The following LCLAT1 variants were observed in gnomAD, a reference collection of about 807,000 sequenced individuals.
The protein encoded by LCLAT1 is lysocardiolipin acyltransferase 1.
In LCLAT1, 11 loss-of-function variants were observed where a neutral mutation model predicts 30.7. That is an observed-to-expected ratio of 0.36 (90% CI 0.23 to 0.59). The LOEUF is 0.59. Among genes scored for constraint, LCLAT1 ranks in the 20% least tolerant of loss-of-function variants. The probability of loss-of-function intolerance (pLI) is 0.77; values close to 1 mark genes in which losing one functional copy is unlikely to be tolerated. For missense variants in LCLAT1, 402 were observed against 458.6 expected (o/e 0.88, Z 1.13); for synonymous variants, 155 against 151.3 (o/e 1.02, Z -0.18).
chr2:30,519,574 C>G (rs1222938696), intron 1 of LCLAT1, among the ~76,000 whole-genome samples: 1 of 152,204 alleles, frequency 6.6e-6, no homozygotes, highest in African/African-American at 2.4e-5. Context: ...GGTGACCTCA[C>G]CCACCTTTAA....
intron 3 of LCLAT1, among the ~76,000 whole-genome samples, chr2:30,553,348 A>C (rs1469851951): frequency 6.6e-6 from 1 of 152,212 alleles, no homozygotes; most frequent in African/African-American, 2.4e-5. Flanking sequence ...GGGATTATTT[A>C]CAACTGCTTT....
chr2:30,529,057 T>A (rs1685870322), intron 2 of LCLAT1, among the ~76,000 whole-genome samples: 1 of 152,188 alleles, frequency 6.6e-6, no homozygotes, highest in African/African-American at 2.4e-5. Context: ...TCAGAGTGAA[T>A]TTAATCTAAA....
chr2:30,517,770 A>G (rs1367299635), intron 1 of LCLAT1, among the ~76,000 whole-genome samples: 1 of 150,550 alleles, frequency 6.6e-6, no homozygotes, highest in Admixed American at 6.7e-5. Flanking sequence ...ACAGAAAGTC[A>G]GAGAGAGAAA....
intron 1 of LCLAT1, among the ~76,000 whole-genome samples, chr2:30,498,536 G>A (rs758623624): frequency 9.2e-5 from 14 of 152,160 alleles, no homozygotes; most frequent in Admixed American, 2.6e-4. Flanking sequence ...CTTATCTGGG[G>A]CCTGCAGTTT....
intron 1 of LCLAT1, among the ~76,000 whole-genome samples, chr2:30,516,750 A>C (rs1232698932): frequency 1.3e-5 from 2 of 152,168 alleles, no homozygotes; most frequent in Non-Finnish European, 2.9e-5. Context: ...CCTGAGTAAT[A>C]CTGGACCACT....
At chr2:30,547,217 A>G (rs1572606516) in intron 3 of LCLAT1, among the ~76,000 whole-genome samples, 1 of 152,304 alleles carries the variant, frequency 6.6e-6, no homozygotes, top group South Asian at 2.1e-4. Context: ...CTTCTAGTCA[A>G]GGATTCCTAG....
chr2:30,534,067 C>T (rs1323074764), intron 3 of LCLAT1, among the ~76,000 whole-genome samples: 1 of 152,124 alleles, frequency 6.6e-6, no homozygotes, highest in Non-Finnish European at 1.5e-5. Context: ...TGTGGTTTAC[C>T]TAGGTAACAT....
chr2:30,583,424 T>C (rs1666290749), intron 5 of LCLAT1, among the ~76,000 whole-genome samples: 1 of 152,244 alleles, frequency 6.6e-6, no homozygotes, highest in Admixed American at 6.5e-5. Context: ...CCATTGTCCT[T>C]ACCCAAGGCC....
intron 1 of LCLAT1, among the ~76,000 whole-genome samples, chr2:30,514,829 CTG>C (rs1483215286): frequency 2.6e-5 from 4 of 152,200 alleles, no homozygotes; most frequent in Admixed American, 1.3e-4. Flanking sequence ...CAAAATCAAT[CTG>C]TATACTGATT....
intron 1 of LCLAT1, among the ~76,000 whole-genome samples, chr2:30,490,821 A>G (rs1043364957): frequency 2.0e-5 from 3 of 152,232 alleles, no homozygotes; most frequent in Non-Finnish European, 4.4e-5. Flanking sequence ...ACTGTCCAAC[A>G]TGGCATCTAC....
At chr2:30,544,982 A>G (rs1195007652) in intron 3 of LCLAT1, among the ~76,000 whole-genome samples, 1 of 152,128 alleles carries the variant, frequency 6.6e-6, no homozygotes, top group Non-Finnish European at 1.5e-5. Context: ...TTCCTGAGTT[A>G]TAAGCTACTT....
chr2:30,546,306 A>G (rs902914800), intron 3 of LCLAT1, among the ~76,000 whole-genome samples: 1 of 152,204 alleles, frequency 6.6e-6, no homozygotes, highest in African/African-American at 2.4e-5. Flanking sequence ...AAAATATTAA[A>G]TAATTTTTTT....
At chr2:30,630,170 C>T (rs1668704354) in intron 5 of LCLAT1, among the ~76,000 whole-genome samples, 1 of 152,184 alleles carries the variant, frequency 6.6e-6, no homozygotes. Context: ...ATTCTTTGGA[C>T]ATGAACATTC....
chr2:30,538,616 A>G (rs1390104620), intron 3 of LCLAT1, among the ~76,000 whole-genome samples: 2 of 152,024 alleles, frequency 1.3e-5, no homozygotes, highest in African/African-American at 4.8e-5. Context: ...GCGTGGGGTG[A>G]CAGAGCCAGA....
intron 1 of LCLAT1, among the ~76,000 whole-genome samples, chr2:30,475,437 G>C (rs751322410): frequency 6.6e-6 from 1 of 152,156 alleles, no homozygotes; most frequent in East Asian, 1.9e-4. Context: ...ACATGTAACC[G>C]TTAAAATTGC....
At chr2:30,612,507 C>T (rs1454543655) in intron 5 of LCLAT1, among the ~76,000 whole-genome samples, 1 of 152,154 alleles carries the variant, frequency 6.6e-6, no homozygotes, top group Non-Finnish European at 1.5e-5. Flanking sequence ...CTTGACTTCC[C>T]AGTATATCCT....
At chr2:30,462,310 A>C (rs996244308) in intron 1 of LCLAT1, among the ~76,000 whole-genome samples, 1 of 152,202 alleles carries the variant, frequency 6.6e-6, no homozygotes, top group Non-Finnish European at 1.5e-5. Flanking sequence ...GAAAGTGTAT[A>C]ATTGGAAAGT....
chr2:30,579,098 G>A (rs893279523), intron 5 of LCLAT1, among the ~76,000 whole-genome samples: 1 of 152,066 alleles, frequency 6.6e-6, no homozygotes, highest in Non-Finnish European at 1.5e-5. Context: ...TGTAATTCAA[G>A]GAGACAGTAG....
At chr2:30,575,749 A>G (rs1031228660) in intron 5 of LCLAT1, among the ~76,000 whole-genome samples, 1 of 152,170 alleles carries the variant, frequency 6.6e-6, no homozygotes. Flanking sequence ...GTAAAATTCA[A>G]TATGGAAATG....
Sources: gnomAD v4.1 joint callset for allele counts (sites outside exome capture counted in the v4.1 genomes callset) on GRCh38, gnomAD v4.1.1 for gene constraint, MANE v1.5 for transcripts, NCBI Gene and HGNC (gene_info 2026-07-23, HGNC 2026-07-21) for gene names.